Variants in MAGI2 observed in about 807,000 individuals in gnomAD.
MAGI2 encodes membrane-associated guanylate kinase, WW and PDZ domain-containing protein 2.
MAGI2 carries 35 observed loss-of-function variants against 133.3 expected under a neutral mutation model. The ratio of observed to expected loss-of-function variants is 0.26; its 90% confidence interval spans 0.20 to 0.35. The LOEUF (loss-of-function observed/expected upper bound fraction) is 0.35. Ranked by LOEUF, MAGI2 falls within the 10% of genes least tolerant of loss-of-function variation. MAGI2 has a pLI of 1.00. For missense variants in MAGI2, 1,636 were observed against 1,863.4 expected (o/e 0.88, Z 2.25); for synonymous variants, 729 against 710.6 (o/e 1.03, Z -0.41).
At chr7:79,124,290 G>A (rs1403638473) in intron 1 of MAGI2, among the ~76,000 whole-genome samples, 1 of 152,184 alleles carries the variant, frequency 6.6e-6, no homozygotes, top group Non-Finnish European at 1.5e-5. Flanking sequence ...TCATTAAAAT[G>A]CCTACCAATT....
At chr7:78,586,882 C>T (rs1394031623) in intron 3 of MAGI2, among the ~76,000 whole-genome samples, 1 of 152,156 alleles carries the variant, frequency 6.6e-6, no homozygotes, top group Non-Finnish European at 1.5e-5. Context: ...AATGTTCATC[C>T]ATGTTGTAGC....
intron 20 of MAGI2, among the ~76,000 whole-genome samples, chr7:78,098,649 C>T (rs1817932731): frequency 1.3e-5 from 2 of 152,096 alleles, no homozygotes; most frequent in South Asian, 4.1e-4. Flanking sequence ...AGTATATGTG[C>T]ACCCTTAAAT....
At chr7:79,120,628 T>A (rs1032839346) in intron 1 of MAGI2, among the ~76,000 whole-genome samples, 1 of 151,946 alleles carries the variant, frequency 6.6e-6, no homozygotes, top group Admixed American at 6.6e-5. Context: ...GCATGGTGAG[T>A]TTAGCAGATG....
chr7:79,362,218 A>G (rs904423938), intron 1 of MAGI2, among the ~76,000 whole-genome samples: 2 of 152,104 alleles, frequency 1.3e-5, no homozygotes, highest in Non-Finnish European at 2.9e-5. Flanking sequence ...GTGTGCATTA[A>G]CCAGATAGTA....
intron 10 of MAGI2, among the ~76,000 whole-genome samples, chr7:78,231,809 G>C (rs973941208): frequency 6.6e-6 from 1 of 152,192 alleles, no homozygotes; most frequent in Non-Finnish European, 1.5e-5. Context: ...TGGATGTGTT[G>C]GGAACTTAGG....
intron 2 of MAGI2, among the ~76,000 whole-genome samples, chr7:78,745,422 C>T (rs1822834642): frequency 6.6e-6 from 1 of 152,074 alleles, no homozygotes; most frequent in Non-Finnish European, 1.5e-5. Context: ...CCCAACTCTA[C>T]TATCCTGATT....
At chr7:79,109,600 C>A (rs1031748118) in intron 1 of MAGI2, among the ~76,000 whole-genome samples, 1 of 152,078 alleles carries the variant, frequency 6.6e-6, no homozygotes, top group Admixed American at 6.5e-5. Flanking sequence ...GGAAGCAGAG[C>A]AAAATATTTG....
intron 9 of MAGI2, among the ~76,000 whole-genome samples, chr7:78,269,338 C>G (rs761475318): frequency 6.6e-6 from 1 of 152,150 alleles, no homozygotes; most frequent in Non-Finnish European, 1.5e-5. Flanking sequence ...ATTTCTAGTT[C>G]TAGATCCTTG....
chr7:78,080,834 G>C (rs1815879248), intron 20 of MAGI2, among the ~76,000 whole-genome samples: 1 of 152,038 alleles, frequency 6.6e-6, no homozygotes, highest in Non-Finnish European at 1.5e-5. Flanking sequence ...CAGAAACCTG[G>C]GGGTCACGCT....
At chr7:79,227,257 A>G (rs1407331209) in intron 1 of MAGI2, among the ~76,000 whole-genome samples, 1 of 152,214 alleles carries the variant, frequency 6.6e-6, no homozygotes, top group Non-Finnish European at 1.5e-5. Flanking sequence ...TGCATGCAAA[A>G]TGGTCAGTTT....
At chr7:78,151,964 C>T (rs956710183) in intron 16 of MAGI2, among the ~76,000 whole-genome samples, 1 of 151,972 alleles carries the variant, frequency 6.6e-6, no homozygotes, top group African/African-American at 2.4e-5. Context: ...TGAAAAAAAC[C>T]TATCAGGAAT....
intron 1 of MAGI2, among the ~76,000 whole-genome samples, chr7:79,026,183 C>T (rs1809863964): frequency 6.6e-6 from 1 of 152,128 alleles, no homozygotes; most frequent in South Asian, 2.1e-4. Context: ...CATAATTAAT[C>T]AAATATATTC....
intron 2 of MAGI2, among the ~76,000 whole-genome samples, chr7:78,867,730 AAAG>A (rs777626279): frequency 6.3e-4 from 95 of 151,950 alleles, no homozygotes; most frequent in Admixed American, 2.0e-3. Flanking sequence ...GAAAATTTGA[AAAG>A]AAGGTGGTGA....
intron 2 of MAGI2, among the ~76,000 whole-genome samples, chr7:78,714,728 G>T (rs897189115): frequency 6.6e-6 from 1 of 152,154 alleles, no homozygotes; most frequent in African/African-American, 2.4e-5. Flanking sequence ...AGAAGCATAT[G>T]AGGAATTTAC....
At position 79,453,636 on chromosome 7, in the gene MAGI2, A is replaced by T; in HGVS notation, c.-316T>A. 1.5e-6 allele frequency: 1 copy of T among 654,958 alleles called. No individual in the cohort carries two copies. Among genetic ancestry groups the T allele is most frequent in the Non-Finnish European group, 1.9e-6 (1 of 533,180 alleles). 40.6% of individuals were successfully genotyped at this position (654,958 alleles called of 1,614,324 possible). A position where few individuals can be genotyped will look rare whatever the true frequency, so the allele number is the denominator to read the frequency against. Reference sequence around the variant, plus strand: ...CGGCGGCGGCGGCGGCGGCAGCCGGAGCGAGCAGTAGCCGAGCTGGTGAGC... The same window carrying T: ...CGGCGGCGGCGGCGGCGGCAGCCGGTGCGAGCAGTAGCCGAGCTGGTGAGC... On this transcript the variant is annotated 5_prime_UTR_variant, in exon 1 of 22. Transcript: ENST00000354212.
chr7:78,557,550 G>A (rs1799958681), intron 3 of MAGI2, among the ~76,000 whole-genome samples: 1 of 152,128 alleles, frequency 6.6e-6, no homozygotes, highest in African/African-American at 2.4e-5. Context: ...AAACACATAT[G>A]GAGGCTCCCA....
At chr7:79,311,053 T>C (rs1376649241) in intron 1 of MAGI2, among the ~76,000 whole-genome samples, 1 of 152,068 alleles carries the variant, frequency 6.6e-6, no homozygotes, top group Non-Finnish European at 1.5e-5. Context: ...TTGTTTCTGA[T>C]CACTATTTTC....
chr7:78,786,859 G>T (rs188084134), intron 2 of MAGI2, among the ~76,000 whole-genome samples: 1 of 152,070 alleles, frequency 6.6e-6, no homozygotes, highest in African/African-American at 2.4e-5. Flanking sequence ...AGTTGCTTCC[G>T]CTCACTTCTG....
chr7:78,929,554 C>A (rs1799955380), intron 2 of MAGI2, among the ~76,000 whole-genome samples: 1 of 151,998 alleles, frequency 6.6e-6, no homozygotes, highest in South Asian at 2.1e-4. Flanking sequence ...CCTTTTCCAG[C>A]TTCTAGTGGC....
Sources: allele counts gnomAD v4.1 joint callset (sites outside exome capture counted in the v4.1 genomes callset), GRCh38; gene constraint gnomAD v4.1.1; transcripts MANE v1.5; gene names NCBI Gene and HGNC (gene_info 2026-07-23, HGNC 2026-07-21).